SYNE3: variants seen among roughly 807,000 people sequenced by gnomAD.
SYNE3 encodes the protein spectrin repeat containing nuclear envelope family member 3, also known as nesprin-3.
A neutral mutation model predicts 111.2 loss-of-function variants in SYNE3; 100 were observed. That is an observed-to-expected ratio of 0.90 (90% CI 0.77 to 1.06). The LOEUF (loss-of-function observed/expected upper bound fraction) is 1.06. SYNE3 is among the 50% of genes least tolerant of loss of function. SYNE3 has a pLI of 0.00. For missense variants in SYNE3, 1,160 were observed against 1,240.3 expected (o/e 0.94, Z 0.97); for synonymous variants, 547 against 533.9 (o/e 1.02, Z -0.34).
intron 17 of SYNE3, 57 bp downstream of exon 17, chr14:95,432,022 C>T: frequency 6.3e-7 from 1 of 1,590,412 alleles, no homozygotes; most frequent in East Asian, 2.3e-5. Context: ...CACGGGCCCA[C>T]CAACCCTCCA....
At chr14:95,431,151 T>C (rs1238785192) in intron 17 of SYNE3, among the ~76,000 whole-genome samples, 1 of 152,204 alleles carries the variant, frequency 6.6e-6, no homozygotes, top group Non-Finnish European at 1.5e-5. Flanking sequence ...AAACACAGCA[T>C]TCATTCCCTT....
intron 17 of SYNE3, among the ~76,000 whole-genome samples, chr14:95,419,167 C>G (rs1884931020): frequency 6.6e-6 from 1 of 152,180 alleles, no homozygotes; most frequent in Non-Finnish European, 1.5e-5. Context: ...AAGAGCTGGT[C>G]ACTCAGAAGA....
intron 17 of SYNE3, among the ~76,000 whole-genome samples, chr14:95,421,108 T>C (rs1885096005): frequency 6.6e-6 from 1 of 152,128 alleles, no homozygotes; most frequent in Non-Finnish European, 1.5e-5. Context: ...TTGTGAGGCC[T>C]CCCCAGCCAC....
chr14:95,470,981 G>C lies in SYNE3; in HGVS notation c.145-3014C>G, dbSNP rs61981456. The stretch of plus-strand genomic sequence containing the variant: ...GGCAACAGAGCAACACGCCGTCTCA[G>C]GAAAAAAAAAAAAAGAAAGTAAGAT... On this transcript the variant is annotated intron_variant, in intron 2 of 17. Transcript: ENST00000682763. The surrounding 1 kb of genome is among the most constrained non-coding windows in gnomAD (Gnocchi z 4.2). 7.4e-6 allele frequency among the ~76,000 whole-genome samples: 1 copy of C among 134,598 alleles called. No individual in the cohort carries two copies. The highest frequency in any genetic ancestry group is 2.5e-4 in the South Asian group (1 of 4,064). The allele number at this position is 134,598 out of a possible 152,430, so 88.3% of individuals were successfully genotyped here. A position where few individuals can be genotyped will look rare whatever the true frequency, so the allele number is the denominator to read the frequency against.
chr14:95,423,022 C>G (rs1186965849), intron 17 of SYNE3, among the ~76,000 whole-genome samples: 3 of 152,228 alleles, frequency 2.0e-5, no homozygotes, highest in Non-Finnish European at 2.9e-5. Context: ...CCTGCGTTCG[C>G]TCCCCGTAAG....
At chr14:95,498,734 C>A (rs1465284048) in intron 1 of SYNE3, among the ~76,000 whole-genome samples, 1 of 152,138 alleles carries the variant, frequency 6.6e-6, no homozygotes, top group African/African-American at 2.4e-5. Flanking sequence ...ATGAGGATGA[C>A]AATGGCACCC....
intron 17 of SYNE3, among the ~76,000 whole-genome samples, chr14:95,427,040 T>A (rs1177857076): frequency 6.6e-6 from 1 of 152,080 alleles, no homozygotes; most frequent in Admixed American, 6.5e-5. Context: ...GCAATTACTC[T>A]TTATTCTAAT....
chr14:95,462,917 CG>C, intron 4 of SYNE3, among the ~76,000 whole-genome samples: 1 of 152,256 alleles, frequency 6.6e-6, no homozygotes, highest in African/African-American at 2.4e-5. Flanking sequence ...CCCAGCACTT[CG>C]GGAGGCCAAG....
chr14:95,480,337 T>C (rs1406252044), intron 1 of SYNE3, among the ~76,000 whole-genome samples: 2 of 152,142 alleles, frequency 1.3e-5, no homozygotes, highest in Non-Finnish European at 2.9e-5. Flanking sequence ...GGAAACAGCC[T>C]TGGGTTTGGG....
intron 1 of SYNE3, among the ~76,000 whole-genome samples, chr14:95,479,132 T>C (rs1053189950): frequency 6.7e-6 from 1 of 149,640 alleles, no homozygotes; most frequent in Admixed American, 6.8e-5. Flanking sequence ...CAGTGGCTCA[T>C]GCCTGTAATC....
At chr14:95,483,658 C>T (rs955719367) in intron 1 of SYNE3, among the ~76,000 whole-genome samples, 1 of 152,044 alleles carries the variant, frequency 6.6e-6, no homozygotes, top group African/African-American at 2.4e-5. Context: ...TCAACGGTAG[C>T]GCCCATGCAT....
At chr14:95,424,136 G>A (rs145524109) in intron 17 of SYNE3, among the ~76,000 whole-genome samples, 444 of 152,304 alleles carry the variant, frequency 2.9e-3, no homozygotes, top group Middle Eastern at 0.01. Context: ...CACGCAGTCT[G>A]AAGACAGTGC....
intron 1 of SYNE3, among the ~76,000 whole-genome samples, chr14:95,476,092 C>T (rs534472108): frequency 6.6e-6 from 1 of 152,354 alleles, no homozygotes; most frequent in East Asian, 1.9e-4. Flanking sequence ...CTCTCAGGTT[C>T]CCTGCTTCCT....
intron 8 of SYNE3, 68 bp downstream of exon 8, chr14:95,449,863 G>C: frequency 1.3e-6 from 2 of 1,515,280 alleles, no homozygotes; most frequent in South Asian, 1.3e-5. Context: ...CCCTGGGAGA[G>C]AGACTGAAAC....
In SYNE3 at chr14:95,450,015, C is replaced by A. The variant is rs1230228519; in HGVS notation, c.1365G>T (p.Trp455Cys). The change falls in exon 8 of 18, where the codon TGG becomes TGT. Residue 455 changes from tryptophan to cysteine, a missense_variant. Transcript: ENST00000682763. ...FQRPLQDLQL[W>C]KALAQRLLEV... ...CCAAGAGCCGCTGGGCCAGGGCCTT[C>A]CACAGCTGCAGATCCTGCAGAGGCC... 3 of 1,557,726 alleles carry A rather than the reference C, an allele frequency of 1.9e-6. No homozygotes were observed. The East Asian group carries it at 7.3e-5, about 38-fold the overall frequency.
chr14:95,469,284 C>T (rs931702905), intron 2 of SYNE3, among the ~76,000 whole-genome samples: 4 of 152,122 alleles, frequency 2.6e-5, no homozygotes, highest in East Asian at 1.9e-4. Flanking sequence ...TGCTGCCCCA[C>T]TGACAGCTGT....
chr14:95,456,698 G>A (rs903410442), intron 5 of SYNE3, among the ~76,000 whole-genome samples: 4 of 152,094 alleles, frequency 2.6e-5, no homozygotes, highest in African/African-American at 4.8e-5. Context: ...GGACCCAAGC[G>A]TTTAGACTAG....
chr14:95,447,521 G>A (rs1233077249), intron 8 of SYNE3, among the ~76,000 whole-genome samples: 2 of 152,104 alleles, frequency 1.3e-5, no homozygotes, highest in South Asian at 2.1e-4. Context: ...TGGGGAAATC[G>A]AGTACTACTT....
chr14:95,449,804 G>A, intron 8 of SYNE3, 127 bp downstream of exon 8: 1 of 1,426,590 alleles, frequency 7.0e-7, no homozygotes, highest in Non-Finnish European at 9.4e-7. Flanking sequence ...AGCAGACCGG[G>A]CGCAGTGAGC....
Sources: gnomAD v4.1 joint callset for allele counts (sites outside exome capture counted in the v4.1 genomes callset) on GRCh38, gnomAD v4.1.1 for gene constraint, Gnocchi (gnomAD v3.1) non-coding constraint, MANE v1.5 for transcripts, NCBI Gene and HGNC (gene_info 2026-07-23, HGNC 2026-07-21) for gene names.